Variants in CFAP92 observed in about 807,000 individuals in gnomAD.
CFAP92 encodes the protein uncharacterized protein CFAP92.
CFAP92 carries 86 observed loss-of-function variants against 106.3 expected under a neutral mutation model. The ratio of observed to expected loss-of-function variants is 0.81; its 90% CI spans 0.68 to 0.97. The LOEUF is 0.97. Among genes scored for constraint, CFAP92 ranks in the 50% least tolerant of loss-of-function variants. The pLI, the probability that CFAP92 is intolerant of heterozygous loss-of-function variation, is 0.00. For synonymous variants in CFAP92, 477 were observed against 506.4 expected (o/e 0.94, Z 0.78); for missense variants, 1,204 against 1,283.8 (o/e 0.94, Z 0.95).
At chr3:128,920,051 G>GA (rs1237353499) in intron 12 of CFAP92, among the ~76,000 whole-genome samples, 1 of 152,136 alleles carries the variant, frequency 6.6e-6, no homozygotes, top group Admixed American at 6.5e-5. Context: ...TGGAAACCAA[G>GA]AAAAAAGACA....
intron 4 of CFAP92, 48 bp downstream of exon 4, chr3:128,987,568 T>C: frequency 6.5e-7 from 1 of 1,526,722 alleles, no homozygotes. Context: ...CTGTTACTAG[T>C]GAGTAAGCCC....
Position 128,975,820 on chromosome 3 carries a change from A to G in CFAP92, c.980T>C (p.Leu327Pro), listed in dbSNP as rs780479384. 4 of 1,607,730 alleles carry G rather than the reference A, an allele frequency of 2.5e-6. No individual in the cohort carries two copies. Among genetic ancestry groups the G allele is most frequent in the Non-Finnish European group, 3.4e-6 (4 of 1,176,852 alleles). The change falls in exon 7 of 16, where the codon CTT becomes CCT. Residue 327 changes from leucine to proline, a missense_variant. Coordinates refer to ENST00000645291, the MANE Select transcript of CFAP92 (RefSeq NM_001394090.1). ...EIKELIESES[L>P]SSLTNILDRQ... is the part of the protein sequence containing the mutation. ...GTCTAATATGTTTGTTAAGCTGCTA[A>G]GTGATTCACTCTCAATTAATTCCTT...
At chr3:128,920,938 A>G (rs1383698750) in intron 12 of CFAP92, among the ~76,000 whole-genome samples, 3 of 152,228 alleles carry the variant, frequency 2.0e-5, no homozygotes, top group Non-Finnish European at 4.4e-5. Flanking sequence ...CATGTTCCAT[A>G]TGCTTCAAAG....
At chr3:128,929,171 C>T (rs151021374) in intron 12 of CFAP92, among the ~76,000 whole-genome samples, 40 of 152,216 alleles carry the variant, frequency 2.6e-4, no homozygotes, top group Non-Finnish European at 5.0e-4. Context: ...CTAATAAGCA[C>T]ATTAAAAGAT....
chr3:128,995,982 G>A (rs760273294), upstream of CFAP92, among the ~76,000 whole-genome samples: 2 of 152,204 alleles, frequency 1.3e-5, no homozygotes, highest in Non-Finnish European at 2.9e-5. Flanking sequence ...CTCTGTGACT[G>A]GCTCAGTCAA....
At chr3:129,019,398 C>G in the CFAP92 span, among the ~76,000 whole-genome samples, 1 of 152,212 alleles carries the variant, frequency 6.6e-6, no homozygotes, top group Non-Finnish European at 1.5e-5. Context: ...GAAGCCCAGT[C>G]AGTCCACTCA....
chr3:129,001,407 C>T (rs1944736540), intron 1 of CFAP92, among the ~76,000 whole-genome samples: 1 of 152,208 alleles, frequency 6.6e-6, no homozygotes, highest in Admixed American at 6.5e-5. Flanking sequence ...GCCGGGGTCC[C>T]GGGGGTTCCT....
chr3:128,975,256 T>C (rs1297545676), intron 7 of CFAP92, among the ~76,000 whole-genome samples: 1 of 152,228 alleles, frequency 6.6e-6, no homozygotes, highest in East Asian at 1.9e-4. Flanking sequence ...TCACAAAGAA[T>C]TGTAATTCTT....
At chr3:129,019,585 C>G in the CFAP92 span, among the ~76,000 whole-genome samples, 55 of 152,148 alleles carry the variant, frequency 3.6e-4, no homozygotes, top group Non-Finnish European at 7.1e-4. Flanking sequence ...TGACTGTAAA[C>G]TATTTAACTT....
chr3:129,001,746 C>G, intron 1 of CFAP92: 1 of 1,540,688 alleles, frequency 6.5e-7, no homozygotes, highest in Non-Finnish European at 8.7e-7. Flanking sequence ...CCACTACGGG[C>G]TGGACCGCGG....
At chr3:128,926,596 A>G (rs181892979) in intron 12 of CFAP92, among the ~76,000 whole-genome samples, 1 of 152,336 alleles carries the variant, frequency 6.6e-6, no homozygotes, top group East Asian at 1.9e-4. Context: ...GACATTCTAG[A>G]CAATGCAAAG....
chr3:129,022,891 C>G, the CFAP92 span, among the ~76,000 whole-genome samples: 1 of 152,198 alleles, frequency 6.6e-6, no homozygotes, highest in Non-Finnish European at 1.5e-5. Context: ...GAGGTTGGGC[C>G]TTTGCCATAC....
In CFAP92 at chr3:128,945,919, C is replaced by T. The variant is rs747817627; in HGVS notation, c.1410G>A (p.Lys470=). The stretch of plus-strand genomic sequence containing the variant: ...GGGTTCCATGGGGCTCCCCCTTGGT[C>T]TTGTGAACTGGAGTCTTATGGAACT... ...KYQFHKTPVH[K]TKGEPHGTHV... Residue 470 remains lysine (K), a synonymous_variant, in exon 10 of 16, where the codon AAG becomes AAA. Coordinates refer to ENST00000645291, the MANE Select transcript of CFAP92 (RefSeq NM_001394090.1). 8 of 1,454,976 alleles carry T rather than the reference C, an allele frequency of 5.5e-6. No individual in the cohort carries two copies. The highest frequency in any genetic ancestry group is 6.3e-6 in the Non-Finnish European group (7 of 1,111,790). The allele number at this position is 1,454,976 out of a possible 1,614,324, so 90.1% of individuals were successfully genotyped here. A position where few individuals can be genotyped will look rare whatever the true frequency, so the allele number is the denominator to read the frequency against.
intron 9 of CFAP92, among the ~76,000 whole-genome samples, chr3:128,964,370 G>T (rs1040975029): frequency 8.5e-5 from 13 of 152,244 alleles, no homozygotes; most frequent in African/African-American, 2.4e-4. Context: ...GACCAACTGA[G>T]ACTGTGCCCC....
chr3:128,935,569 G>A (rs62265293), intron 10 of CFAP92, among the ~76,000 whole-genome samples: 64 of 152,144 alleles, frequency 4.2e-4, no homozygotes, highest in Non-Finnish European at 7.9e-4. Flanking sequence ...AAAATTAGCC[G>A]GGCGTGGTGG....
chr3:128,967,797 A>ACT (rs1942494312), intron 8 of CFAP92: 1 of 152,254 alleles, frequency 6.6e-6, no homozygotes, highest in Admixed American at 6.5e-5. Context: ...TCAGGGAGAC[A>ACT]TACACCAGAA....
At chr3:128,952,756 G>C (rs1404740790) in intron 9 of CFAP92, among the ~76,000 whole-genome samples, 1 of 152,096 alleles carries the variant, frequency 6.6e-6, no homozygotes, top group African/African-American at 2.4e-5. Context: ...ACTCCAGCCT[G>C]GGTGACAGAG....
In CFAP92 at chr3:128,916,575, TCA is replaced by T. The variant is rs1264365870; in HGVS notation, c.2752-306_2752-305del. On this transcript the variant is annotated intron_variant, in intron 12 of 15. Coordinates refer to ENST00000645291, the MANE Select transcript of CFAP92 (RefSeq NM_001394090.1). ...TTGTGATAAAGACAGAATTTGTGTC[TCA>T]CATGGTCAGAAGTAGGAGAGTGTGG... Among the ~76,000 whole-genome samples the T allele has an allele frequency of 2.6e-5, 4 of 152,332 alleles. No individual in the cohort carries two copies. The East Asian group carries it at 7.7e-4, about 29-fold the overall frequency.
At chr3:128,936,307 C>T (rs185808196) in intron 10 of CFAP92, among the ~76,000 whole-genome samples, 1 of 152,326 alleles carries the variant, frequency 6.6e-6, no homozygotes, top group Admixed American at 6.5e-5. Flanking sequence ...GTATTTTGCC[C>T]ATACTTTCTT....
Sources: allele counts gnomAD v4.1 joint callset (sites outside exome capture counted in the v4.1 genomes callset), GRCh38; gene constraint gnomAD v4.1.1; transcripts MANE v1.5; gene names NCBI Gene and HGNC (gene_info 2026-07-23, HGNC 2026-07-21).